The following HDAC9 variants were observed in gnomAD, a reference collection of about 807,000 sequenced individuals.
The protein encoded by HDAC9 is MEF-2 interacting transcription repressor (MITR) protein.
Under a neutral mutation model 139.4 loss-of-function variants are expected in HDAC9, and 41 were observed. That is an observed-to-expected ratio of 0.29 (90% CI 0.23 to 0.38). The LOEUF (loss-of-function observed/expected upper bound fraction) is 0.38, where lower values mean the gene tolerates loss of function less well. Ranked by LOEUF, HDAC9 falls within the 10% of genes least tolerant of loss-of-function variation. HDAC9 has a pLI of 1.00. For missense variants in HDAC9, 1,147 were observed against 1,297.0 expected, an observed-to-expected ratio of 0.88 and a Z score of 1.78; for synonymous variants, 517 against 476.2, an observed-to-expected ratio of 1.09 and a Z score of -1.12.
chr7:18,237,732 A>G (rs964195751), intron 2 of HDAC9, among the ~76,000 whole-genome samples: 2 of 152,250 alleles, frequency 1.3e-5, no homozygotes, highest in African/African-American at 4.8e-5. Context: ...ATTGCAATGA[A>G]TTAAACTTTA....
chr7:18,446,569 G>A (rs1036937262), intron 1 of HDAC9, among the ~76,000 whole-genome samples: 1 of 152,078 alleles, frequency 6.6e-6, no homozygotes, highest in Non-Finnish European at 1.5e-5. Context: ...TATATTATGG[G>A]TAAGCTGTTT....
At chr7:18,358,612 A>G (rs1430576449) in intron 1 of HDAC9, among the ~76,000 whole-genome samples, 1 of 152,238 alleles carries the variant, frequency 6.6e-6, no homozygotes, top group Non-Finnish European at 1.5e-5. Flanking sequence ...GAAGAACTTG[A>G]TAAGTATACC....
chr7:18,608,515 A>G (rs1281698406), intron 6 of HDAC9, among the ~76,000 whole-genome samples: 1 of 152,150 alleles, frequency 6.6e-6, no homozygotes, highest in East Asian at 1.9e-4. Context: ...TATACAAGAT[A>G]AATTCTAAAG....
chr7:18,480,231 A>G lies in HDAC9; in HGVS notation c.-41-16031A>G, dbSNP rs191885028. Among the ~76,000 whole-genome samples the G allele has an allele frequency of 1.3e-3, 199 of 152,316 alleles. 6 individuals carry two copies. Among genetic ancestry groups the G allele is most frequent in the Middle Eastern group, 3.4e-3 (1 of 294 alleles). The stretch of plus-strand genomic sequence containing the variant: ...TTTCCCAGCAACACTACTATTAGGG[A>G]TAGATGGTAATCACCAGTACATAGA... On this transcript the variant is annotated intron_variant, in intron 1 of 3. Coordinates refer to the HDAC9 transcript ENST00000413509.
At chr7:18,407,101 T>C (rs574355645) in intron 1 of HDAC9, among the ~76,000 whole-genome samples, 1 of 152,346 alleles carries the variant, frequency 6.6e-6, no homozygotes, top group South Asian at 2.1e-4. Flanking sequence ...TATGTATTTC[T>C]TTCTTTCTAA....
intron 19 of HDAC9, among the ~76,000 whole-genome samples, chr7:18,831,836 G>A (rs1165649940): frequency 6.6e-6 from 1 of 152,018 alleles, no homozygotes; most frequent in Non-Finnish European, 1.5e-5. Flanking sequence ...CAAATCCAAA[G>A]TCATTAATGT....
intron 2 of HDAC9, chr7:18,517,532 T>C (rs932017235): frequency 6.6e-6 from 1 of 152,182 alleles, no homozygotes; most frequent in African/African-American, 2.4e-5. Flanking sequence ...GCTCTCATAG[T>C]TCTTCTATAC....
At chr7:18,365,340 T>G (rs1784097291) in intron 1 of HDAC9, among the ~76,000 whole-genome samples, 1 of 152,072 alleles carries the variant, frequency 6.6e-6, no homozygotes, top group African/African-American at 2.4e-5. Context: ...GAGGCCAACA[T>G]AATATTAACA....
chr7:18,664,328 T>A (rs953227869), intron 11 of HDAC9, among the ~76,000 whole-genome samples: 4 of 152,156 alleles, frequency 2.6e-5, no homozygotes, highest in African/African-American at 9.6e-5. Flanking sequence ...ATTTCTTCAT[T>A]GTGATATGAG....
At chr7:18,764,049 A>G (rs902672670) in intron 15 of HDAC9, among the ~76,000 whole-genome samples, 3 of 152,144 alleles carry the variant, frequency 2.0e-5, no homozygotes, top group African/African-American at 4.8e-5. Flanking sequence ...ATGTTTTTTT[A>G]AAAAATTTGA....
chr7:18,350,314 A>C (rs1782753968), intron 1 of HDAC9, among the ~76,000 whole-genome samples: 1 of 152,060 alleles, frequency 6.6e-6, no homozygotes, highest in Non-Finnish European at 1.5e-5. Flanking sequence ...GATTCCATGA[A>C]AAAAATGGAT....
chr7:18,363,415 C>A lies in HDAC9; in HGVS notation c.-42+72900C>A, dbSNP rs367934602. ...GAGAAAGAACTGGCACACATTTGCC[C>A]ATTTTTGTAGAATTTGGCCTAGATT... On this transcript the variant is annotated intron_variant, in intron 1 of 3. Transcript: ENST00000413509. Among the ~76,000 whole-genome samples the A allele has an allele frequency of 3.3e-5, 5 of 152,250 alleles. No individual in the cohort carries two copies. The East Asian group carries it at 7.7e-4, about 24-fold the overall frequency.
At chr7:18,367,177 C>G (rs550001057) in intron 1 of HDAC9, among the ~76,000 whole-genome samples, 1 of 152,038 alleles carries the variant, frequency 6.6e-6, no homozygotes, top group East Asian at 1.9e-4. Flanking sequence ...ATATTTAATT[C>G]CATCATTCCA....
intron 2 of HDAC9, among the ~76,000 whole-genome samples, chr7:18,269,483 T>C (rs1322578760): frequency 1.3e-5 from 2 of 152,160 alleles, no homozygotes; most frequent in African/African-American, 2.4e-5. Context: ...CTGAAGTGTA[T>C]GCACCAGAAA....
At chr7:18,460,371 A>G (rs112357868) in intron 1 of HDAC9, among the ~76,000 whole-genome samples, 1,903 of 152,152 alleles carry the variant, frequency 0.013, 40 homozygotes, top group African/African-American at 0.042. Context: ...AATAAACAAT[A>G]TTTTTTTCAA....
At chr7:18,529,256 C>G (rs1413262232) in intron 2 of HDAC9, among the ~76,000 whole-genome samples, 1 of 152,136 alleles carries the variant, frequency 6.6e-6, no homozygotes, top group Non-Finnish European at 1.5e-5. Context: ...CCTCTCATCT[C>G]CTTCCCCCTT....
intron 2 of HDAC9, among the ~76,000 whole-genome samples, chr7:18,562,899 G>A (rs73309568): frequency 0.11 from 16,317 of 151,906 alleles, 2,066 homozygotes; most frequent in African/African-American, 0.31. Context: ...TTTTTCATTC[G>A]TTTAGATCTC....
At chr7:18,549,108 C>T (rs1464698038) in intron 2 of HDAC9, among the ~76,000 whole-genome samples, 7 of 151,966 alleles carry the variant, frequency 4.6e-5, no homozygotes, top group Non-Finnish European at 7.4e-5. Flanking sequence ...TGTGGTGGTG[C>T]GTGCCTGTAG....
At chr7:18,704,495 A>G (rs1282084980) in intron 12 of HDAC9, among the ~76,000 whole-genome samples, 1 of 152,210 alleles carries the variant, frequency 6.6e-6, no homozygotes, top group Non-Finnish European at 1.5e-5. Context: ...GAATCTCCTT[A>G]AGTGACTGAC....
Sources: allele counts gnomAD v4.1 joint callset (sites outside exome capture counted in the v4.1 genomes callset), GRCh38; gene constraint gnomAD v4.1.1; transcripts MANE v1.5; gene names NCBI Gene and HGNC (gene_info 2026-07-23, HGNC 2026-07-21).